Variants in GLS observed in about 807,000 individuals in gnomAD.
GLS encodes the protein glutaminase.
In GLS, 36 loss-of-function variants were observed where a neutral mutation model predicts 86.7. That is an observed-to-expected ratio of 0.42 (90% confidence interval 0.32 to 0.55). The LOEUF (loss-of-function observed/expected upper bound fraction) is 0.55. GLS is among the 20% of genes least tolerant of loss of function. The pLI is 0.17. For missense variants in GLS, 528 were observed against 833.4 expected, an observed-to-expected ratio of 0.63 and a Z score of 4.51; for synonymous variants, 317 against 305.9, an observed-to-expected ratio of 1.04 and a Z score of -0.38.
chr2:190,886,397 T>C (rs897125926), intron 1 of GLS, among the ~76,000 whole-genome samples: 2 of 152,244 alleles, frequency 1.3e-5, no homozygotes, highest in Non-Finnish European at 2.9e-5. Context: ...CCTGGACTTT[T>C]AGCTGCATAT....
intron 1 of GLS, among the ~76,000 whole-genome samples, chr2:190,891,466 G>C (rs577477136): frequency 1.5e-4 from 23 of 150,074 alleles, no homozygotes; most frequent in Admixed American, 1.3e-3. Context: ...GGCATGATAG[G>C]TTAAAAAAAA....
intron 17 of GLS, among the ~76,000 whole-genome samples, chr2:190,960,926 C>T (rs568344223): frequency 2.6e-5 from 4 of 152,272 alleles, no homozygotes; most frequent in South Asian, 4.1e-4. Flanking sequence ...TAATACCCAC[C>T]CCAGGTTTCT....
chr2:190,899,287 A>G (rs878974722), intron 3 of GLS, among the ~76,000 whole-genome samples: 9 of 152,186 alleles, frequency 5.9e-5, no homozygotes, highest in Admixed American at 1.3e-4. Flanking sequence ...TGGGGTGTCA[A>G]TACTATATAA....
At position 190,930,422 on chromosome 2, in the gene GLS, C is replaced by A; in HGVS notation, c.1426-15C>A. The stretch of plus-strand genomic sequence containing the variant: ...AAATGTTTACCTGAATACTCTTTTA[C>A]TGAATTATTTTTAGGTTGGTCTTCC... On this transcript the variant is annotated splice_polypyrimidine_tract_variant and intron_variant, in intron 12 of 17. Transcript: ENST00000320717. This position sits in a 1 kb window ranked among gnomAD's most constrained non-coding sequence, Gnocchi z 5.0. 1 of 1,582,854 alleles carries A rather than the reference C, an allele frequency of 6.3e-7. No individual in the cohort carries two copies. Among genetic ancestry groups the A allele is most frequent in the Middle Eastern group, 1.7e-4 (1 of 6,006 alleles).
intron 3 of GLS, among the ~76,000 whole-genome samples, 160 bp from the exon 4 acceptor site, chr2:190,900,404 A>G (rs891273338): frequency 6.6e-6 from 1 of 152,192 alleles, no homozygotes; most frequent in African/African-American, 2.4e-5. Flanking sequence ...AAAGACTGCT[A>G]GAAGGAAAGA....
rs995646615 is a variant in GLS, at chr2:190,934,380, C to G, written c.1650+2743C>G. On this transcript the variant is annotated intron_variant, in intron 14 of 17. Coordinates refer to ENST00000320717, the MANE Select transcript of GLS (RefSeq NM_014905.5). ...CTGGCCAAAAAGCCTTTTGGGCTAA[C>G]TTAAGTATTAAATTTATATATTTAA... 1.5e-5 allele frequency: 14 copies of G among 959,088 alleles called. No individual in the cohort carries two copies. The African/African-American group carries it at 2.3e-4, about 16-fold the overall frequency. 59.4% of individuals were successfully genotyped at this position (959,088 alleles called of 1,614,324 possible). A position where few individuals can be genotyped will look rare whatever the true frequency, so the allele number is the denominator to read the frequency against.
chr2:190,900,366 C>T lies in GLS; in HGVS notation c.606-198C>T, dbSNP rs115734236. 5.7e-3 allele frequency among the ~76,000 whole-genome samples: 868 copies of T among 152,172 alleles called. 13 individuals are homozygous for T. Among genetic ancestry groups the T allele is most frequent in the African/African-American group, 0.018 (764 of 41,522 alleles). On this transcript the variant is annotated intron_variant, in intron 3 of 17. Coordinates refer to ENST00000320717, the MANE Select transcript of GLS (RefSeq NM_014905.5). ...GGCACATCCAGATTAATCTCTTACA[C>T]GTTCAACAGCTTACAAGCAACTACT... is the stretch of plus-strand genomic sequence containing the variant.
intron 7 of GLS, among the ~76,000 whole-genome samples, chr2:190,916,190 C>T (rs1181685889): frequency 2.0e-5 from 3 of 152,090 alleles, no homozygotes; most frequent in Non-Finnish European, 4.4e-5. Context: ...GAAAATCTTA[C>T]AAATTAGTAT....
intron 1 of GLS, among the ~76,000 whole-genome samples, chr2:190,892,407 G>A (rs888694796): frequency 6.6e-6 from 1 of 152,086 alleles, no homozygotes; most frequent in Non-Finnish European, 1.5e-5. Context: ...AGGGGAATCT[G>A]GAGGATTCAT....
rs1289456392 is a variant in GLS at position 190,924,213 on chromosome 2, C to T, written c.1197+230C>T. Among the ~76,000 whole-genome samples the T allele has an allele frequency of 6.6e-6, 1 of 152,038 alleles. No individual in the cohort carries two copies. The highest frequency in any genetic ancestry group is 1.5e-5 in the Non-Finnish European group (1 of 67,978). ...ATTTGACTCATATTATTTATTAATA[C>T]AAATTTTGTTTGAGGTTTAGTCTAT... On this transcript the variant is annotated intron_variant, in intron 10 of 17. Coordinates refer to ENST00000320717, the MANE Select transcript of GLS (RefSeq NM_014905.5). This position sits in a 1 kb window ranked among gnomAD's most constrained non-coding sequence, Gnocchi z 5.2.
At chr2:190,890,721 A>G (rs1688531722) in intron 1 of GLS, among the ~76,000 whole-genome samples, 1 of 152,214 alleles carries the variant, frequency 6.6e-6, no homozygotes, top group South Asian at 2.1e-4. Context: ...ACCCTGAATT[A>G]TCATCTGAAG....
At chr2:190,892,996 A>T (rs1446226614) in intron 1 of GLS, among the ~76,000 whole-genome samples, 1 of 152,220 alleles carries the variant, frequency 6.6e-6, no homozygotes, top group Non-Finnish European at 1.5e-5. Flanking sequence ...CAAAGCAAAT[A>T]CCATTTACTT....
In GLS at chr2:190,880,903, GCAGCAGCAGCAGCAGCAC is replaced by G. The variant is rs1368278238; in HGVS notation, c.-180_-163del. 4 of 785,600 alleles carry G rather than the reference GCAGCAGCAGCAGCAGCAC, an allele frequency of 5.1e-6. No homozygotes were observed. Among genetic ancestry groups the G allele is most frequent in the East Asian group, 8.0e-5 (2 of 25,066 alleles). 48.7% of individuals were successfully genotyped at this position (785,600 alleles called of 1,614,324 possible). A position where few individuals can be genotyped will look rare whatever the true frequency, so the allele number is the denominator to read the frequency against. On this transcript the variant is annotated 5_prime_UTR_variant, in exon 1 of 18. Coordinates refer to ENST00000320717, the MANE Select transcript of GLS (RefSeq NM_014905.5). ...AGCAGCAGCAGCAGCAGCAGCAGCA[GCAGCAGCAGCAGCAGCAC>G]CCGCATCCGCTGCGGGAGTCCGAGC...
At chr2:190,950,088 T>C (rs1338837422) in intron 14 of GLS, among the ~76,000 whole-genome samples, 2 of 151,704 alleles carry the variant, frequency 1.3e-5, no homozygotes, top group Non-Finnish European at 2.9e-5. Flanking sequence ...AACATTTGAA[T>C]GGAGACCTAC....
intron 14 of GLS, chr2:190,932,511 T>G: frequency 3.2e-6 from 1 of 308,746 alleles, no homozygotes; most frequent in East Asian, 5.1e-5. Context: ...CAAATTAATT[T>G]CTGTTACTAT....
At chr2:190,881,536 G>T (rs968421988) in intron 1 of GLS, 66 bp downstream of exon 1, 3 of 1,415,424 alleles carry the variant, frequency 2.1e-6, no homozygotes, top group Non-Finnish European at 2.9e-6. Context: ...GCTGTGTGGG[G>T]CCCTGCGGTG....
chr2:190,955,463 C>CT lies in GLS; in HGVS notation c.1853+651dup, dbSNP rs1463786123. On this transcript the variant is annotated intron_variant, in intron 17 of 17. Coordinates refer to ENST00000320717, the MANE Select transcript of GLS (RefSeq NM_014905.5). This position sits in a 1 kb window ranked among gnomAD's most constrained non-coding sequence, Gnocchi z 5.6. ...TCCCTGCAAAGGACATGAACTCATC[C>CT]TTTTTTATGATTGCATAGTATTCCA... 6.6e-6 allele frequency among the ~76,000 whole-genome samples: 1 copy of CT among 152,150 alleles called. No homozygotes were observed. Among genetic ancestry groups the CT allele is most frequent in the South Asian group, 2.1e-4 (1 of 4,828 alleles).
In GLS at chr2:190,943,855, TTAAG is replaced by T. The variant is rs777866414; in HGVS notation, c.1651-9705_1651-9702del. ...AATAAACATTGAAGAATATAGGGAG[TTAAG>T]TAAGGCTCTGGAGACCAGTGAAAAT... On this transcript the variant is annotated intron_variant, in intron 14 of 17. Coordinates refer to ENST00000320717, the MANE Select transcript of GLS (RefSeq NM_014905.5). The surrounding 1 kb of genome is among the most constrained non-coding windows in gnomAD (Gnocchi z 4.5). Among the ~76,000 whole-genome samples the T allele has an allele frequency of 2.6e-5, 4 of 152,020 alleles. No homozygotes were observed. Among genetic ancestry groups the T allele is most frequent in the Non-Finnish European group, 4.4e-5 (3 of 67,982 alleles).
At chr2:190,910,490 TGTA>T (rs1689319252) in intron 7 of GLS, among the ~76,000 whole-genome samples, 169 bp downstream of exon 7, 3 of 152,098 alleles carry the variant, frequency 2.0e-5, no homozygotes, top group Admixed American at 6.5e-5. Flanking sequence ...AAATAAATGA[TGTA>T]GTCATTTCAA....
Sources: gnomAD v4.1 joint callset for allele counts (sites outside exome capture counted in the v4.1 genomes callset) on GRCh38, gnomAD v4.1.1 for gene constraint, Gnocchi (gnomAD v3.1) non-coding constraint, MANE v1.5 for transcripts, NCBI Gene and HGNC (gene_info 2026-07-23, HGNC 2026-07-21) for gene names.